Variants in CTHRC1 observed in about 807,000 individuals in gnomAD.
CTHRC1 encodes collagen triple helix repeat-containing protein 1.
Under a neutral mutation model 25.9 loss-of-function variants are expected in CTHRC1, and 21 were observed. That is an observed-to-expected ratio of 0.81 (90% CI 0.57 to 1.17). The LOEUF is 1.17. Ranked by LOEUF, CTHRC1 falls within the 50% of genes most tolerant of loss-of-function variation. The probability of loss-of-function intolerance (pLI) is 0.00; values close to 1 mark genes in which losing one functional copy is unlikely to be tolerated. For synonymous variants in CTHRC1, 109 were observed against 113.1 expected (o/e 0.96, Z 0.23); for missense variants, 281 against 304.3 (o/e 0.92, Z 0.57).
intron 3 of CTHRC1, among the ~76,000 whole-genome samples, chr8:103,381,191 C>T: frequency 6.6e-6 from 1 of 152,030 alleles, no homozygotes; most frequent in Non-Finnish European, 1.5e-5. Flanking sequence ...TTGTTTGCTG[C>T]ACCCATTAAC....
At chr8:103,377,769 A>G (rs1815831414) in intron 2 of CTHRC1, among the ~76,000 whole-genome samples, 1 of 152,012 alleles carries the variant, frequency 6.6e-6, no homozygotes, top group Non-Finnish European at 1.5e-5. Context: ...ACACCCAGCA[A>G]ATTTTTTGTA....
chr8:103,375,908 G>C lies in CTHRC1; in HGVS notation c.321G>C (p.Lys107Asn). The change falls in exon 2 of 4, where the codon AAG becomes AAC. Residue 107 changes from lysine to asparagine, a missense_variant. Physicochemically the swap from Lys to Asn is moderately conservative, Grantham distance 94. Transcript: ENST00000330295. ...AGGAGTCCTGGACACCCAACTACAA[G>C]CAGTGTTCATGGAGTTCATTGAATT... ...SFEESWTPNYKQCSWSSLNYG... is the reference protein window; with the variant it reads ...SFEESWTPNYNQCSWSSLNYG... 1 of 1,614,118 alleles carries C rather than the reference G, an allele frequency of 6.2e-7. No individual in the cohort carries two copies. Among genetic ancestry groups the C allele is most frequent in the Non-Finnish European group, 8.5e-7 (1 of 1,180,008 alleles).
intron 1 of CTHRC1, chr8:103,372,466 G>T (rs1384225725): frequency 6.4e-7 from 1 of 1,571,468 alleles, no homozygotes; most frequent in Admixed American, 1.8e-5. Context: ...AAATGAAGGG[G>T]CCCGGCGCTA....
At chr8:103,379,373 C>A (rs1420448449) in intron 3 of CTHRC1, among the ~76,000 whole-genome samples, 1 of 151,910 alleles carries the variant, frequency 6.6e-6, no homozygotes, top group Admixed American at 6.6e-5. Context: ...CTCAGCTTCC[C>A]AAAGTGCCAT....
intron 1 of CTHRC1, 138 bp downstream of exon 1, chr8:103,371,944 G>A (rs750987295): frequency 2.3e-5 from 20 of 864,828 alleles, no homozygotes; most frequent in Middle Eastern, 7.3e-4. Context: ...GCTGCGCCGG[G>A]GTGTCATGCT....
intron 1 of CTHRC1, among the ~76,000 whole-genome samples, chr8:103,375,087 G>A (rs1815780894): frequency 6.6e-6 from 1 of 152,098 alleles, no homozygotes; most frequent in Non-Finnish European, 1.5e-5. Context: ...AGAGGGGTGG[G>A]ATGAGAGGCC....
Position 103,372,793 on chromosome 8 carries a change from C to T in CTHRC1, c.150+987C>T, listed in dbSNP as rs987361136. 6.6e-6 allele frequency: 4 copies of T among 609,902 alleles called. No homozygotes were observed. The African/African-American group carries it at 7.4e-5, about 11-fold the overall frequency. 37.8% of individuals were successfully genotyped at this position (609,902 alleles called of 1,614,324 possible). On this transcript the variant is annotated intron_variant, in intron 1 of 3. Coordinates refer to ENST00000330295, the MANE Select transcript of CTHRC1 (RefSeq NM_138455.4). ...TGGCATATTATAAACTTCAGTCTCA[C>T]TTGCAGACAAACATGATTTACAGGC...
At chr8:103,382,046 GC>G (rs1815921551) in intron 3 of CTHRC1, among the ~76,000 whole-genome samples, 1 of 151,834 alleles carries the variant, frequency 6.6e-6, no homozygotes, top group Non-Finnish European at 1.5e-5. Flanking sequence ...TCACTTATCA[GC>G]AGATAAGTGT....
At chr8:103,381,999 A>G (rs1815920478) in intron 3 of CTHRC1, among the ~76,000 whole-genome samples, 1 of 147,290 alleles carries the variant, frequency 6.8e-6, no homozygotes, top group Admixed American at 6.7e-5. Flanking sequence ...TTCCATCTCA[A>G]AAAAAAAAAA....
intron 1 of CTHRC1, chr8:103,372,539 C>A: frequency 1.3e-6 from 2 of 1,598,264 alleles, no homozygotes; most frequent in Non-Finnish European, 1.7e-6. Flanking sequence ...TTACACACAC[C>A]CTGGGTCTTC....
intron 3 of CTHRC1, among the ~76,000 whole-genome samples, chr8:103,381,877 A>T (rs1385663917): frequency 6.6e-6 from 1 of 152,086 alleles, no homozygotes; most frequent in Non-Finnish European, 1.5e-5. Context: ...AGGTGCCTGT[A>T]GTCCCAGCTA....
chr8:103,372,521 GT>G, intron 1 of CTHRC1: 1 of 1,598,208 alleles, frequency 6.3e-7, no homozygotes, highest in Non-Finnish European at 8.5e-7. Context: ...CAAATGGGCA[GT>G]CTGTCATTAC....
intron 2 of CTHRC1, among the ~76,000 whole-genome samples, chr8:103,376,435 A>G (rs1815809422): frequency 6.6e-6 from 1 of 152,198 alleles, no homozygotes; most frequent in Non-Finnish European, 1.5e-5. Flanking sequence ...GAGAAGTGAA[A>G]TGGGTTAGAT....
chr8:103,371,750 G>T lies in CTHRC1; in HGVS notation c.94G>T (p.Glu32Ter). 6.5e-7 allele frequency: 1 copy of T among 1,536,936 alleles called. No individual in the cohort carries two copies. The highest frequency in any genetic ancestry group is 8.8e-7 in the Non-Finnish European group (1 of 1,142,322). ...LQLPAPSSAS[E>*]IPKGKQKAQL... ...GCTGCCCGCGCCGTCGAGCGCCTCT[G>T]AGATCCCCAAGGGGAAGCAAAAGGC... is the stretch of plus-strand genomic sequence containing the variant. Residue 32 changes from glutamate (E) to a stop codon, truncating the protein, a stop_gained, in exon 1 of 4, where the codon GAG becomes TAG. Transcript: ENST00000330295. LOFTEE classifies it high-confidence loss of function.
In CTHRC1 at chr8:103,378,062, TC is replaced by T; in HGVS notation, c.409del (p.Leu137Ter). 6.2e-7 allele frequency: 1 copy of T among 1,614,152 alleles called. No individual in the cohort carries two copies. Among genetic ancestry groups the T allele is most frequent in the Non-Finnish European group, 8.5e-7 (1 of 1,179,968 alleles). ...TTACAAAGATGCGTTCAAATAGTGC[TC>T]TAAGAGTTTTGTTCAGTGGCTCACT... ...TFTKMRSNSA[L>X]RVLFSGSLRL... is the part of the protein sequence containing the mutation. On this transcript the variant is annotated frameshift_variant, in exon 3 of 4. Transcript: ENST00000330295. LOFTEE classifies it high-confidence loss of function.
intron 1 of CTHRC1, chr8:103,372,497 G>T: frequency 1.3e-6 from 2 of 1,597,124 alleles, no homozygotes; most frequent in South Asian, 2.2e-5. Context: ...GACCTGTTTT[G>T]CTTCTGTTTA....
chr8:103,380,605 T>A (rs1261909334), intron 3 of CTHRC1, among the ~76,000 whole-genome samples: 1 of 152,234 alleles, frequency 6.6e-6, no homozygotes, highest in Non-Finnish European at 1.5e-5. Context: ...ATATCGTTTT[T>A]ACTTAACAAG....
At chr8:103,380,746 G>T (rs944389320) in intron 3 of CTHRC1, among the ~76,000 whole-genome samples, 3 of 152,228 alleles carry the variant, frequency 2.0e-5, no homozygotes, top group Non-Finnish European at 4.4e-5. Flanking sequence ...ACGTCCTTAG[G>T]CCGTAGGGGG....
At chr8:103,382,389 A>T in intron 3 of CTHRC1, 69 bp from the exon 4 acceptor site, 1 of 1,520,778 alleles carries the variant, frequency 6.6e-7, no homozygotes, top group South Asian at 1.1e-5. Flanking sequence ...TTCTGAAGTT[A>T]TAAAATTTAA....
Sources: gnomAD v4.1 joint callset for allele counts (sites outside exome capture counted in the v4.1 genomes callset) on GRCh38, gnomAD v4.1.1 for gene constraint, MANE v1.5 for transcripts, NCBI Gene and HGNC (gene_info 2026-07-23, HGNC 2026-07-21) for gene names.